Variants in SYT11 observed in about 807,000 individuals in gnomAD.
The protein encoded by SYT11 is synaptotagmin 11.
Under a neutral mutation model 30.4 loss-of-function variants are expected in SYT11, and 12 were observed. The ratio of observed to expected loss-of-function variants is 0.39; its 90% confidence interval spans 0.25 to 0.64. The LOEUF (loss-of-function observed/expected upper bound fraction) is 0.64. Ranked by LOEUF, SYT11 falls within the 30% of genes least tolerant of loss-of-function variation. SYT11 has a pLI of 0.45. For synonymous variants in SYT11, 204 were observed against 216.0 expected (o/e 0.94, Z 0.49); for missense variants, 412 against 552.0 (o/e 0.75, Z 2.54).
intron 1 of SYT11, among the ~76,000 whole-genome samples, chr1:155,862,286 T>C (rs1672605381): frequency 6.6e-6 from 1 of 152,208 alleles, no homozygotes; most frequent in African/African-American, 2.4e-5. Flanking sequence ...TTTAAAACAC[T>C]CACTTCAGCC....
chr1:155,868,909 G>A lies in SYT11; in HGVS notation c.861+118G>A. 1 of 956,982 alleles carries A rather than the reference G, an allele frequency of 1.0e-6. No homozygotes were observed. 59.3% of individuals were successfully genotyped at this position (956,982 alleles called of 1,614,324 possible). A position where few individuals can be genotyped will look rare whatever the true frequency, so the allele number is the denominator to read the frequency against. On this transcript the variant is annotated intron_variant, in intron 2 of 3. Transcript: ENST00000368324. This position sits in a 1 kb window ranked among gnomAD's most constrained non-coding sequence, Gnocchi z 4.7. ...GGCAAAGAAGGGCTGTAGAGAGGAA[G>A]CTCTTGGATGTCAAGGATAAGCAGT...
intron 2 of SYT11, among the ~76,000 whole-genome samples, chr1:155,878,847 A>G (rs1413551673): frequency 2.0e-5 from 3 of 152,008 alleles, no homozygotes; most frequent in Non-Finnish European, 4.4e-5. Flanking sequence ...AGCCTGGGTG[A>G]CAGAGCGAGA....
At position 155,868,009 on chromosome 1, in the gene SYT11, G is replaced by C; in HGVS notation, c.79G>C (p.Val27Leu). The change falls in exon 2 of 4, where the codon GTG (valine) becomes CTG (leucine). Residue 27 changes from valine to leucine, a missense_variant. Coordinates refer to ENST00000368324, the MANE Select transcript of SYT11 (RefSeq NM_152280.5). The surrounding 1 kb of genome is among the most constrained non-coding windows in gnomAD (Gnocchi z 4.7). ...VAGLIGASVL[V>L]VCVSVTVFVW... is the part of the protein sequence containing the mutation. ...CGGCCTCATCGGGGCCTCTGTGCTG[G>C]TGGTGTGTGTCTCGGTGACCGTCTT... The C allele has an allele frequency of 1.9e-6, 3 of 1,613,076 alleles. No homozygotes were observed.
chr1:155,880,458 C>A (rs369210877), intron 2 of SYT11, 42 bp from the exon 3 acceptor site: 3 of 1,609,812 alleles, frequency 1.9e-6, no homozygotes, highest in Non-Finnish European at 8.5e-7. Flanking sequence ...CTCTGCCCTG[C>A]ACCCTCTGCC....
chr1:155,877,328 T>C (rs550531949), intron 2 of SYT11, among the ~76,000 whole-genome samples: 18 of 151,980 alleles, frequency 1.2e-4, no homozygotes, highest in African/African-American at 4.1e-4. Flanking sequence ...GGTCTCGAAC[T>C]CCTGACCTCA....
rs1273240573 is a variant in SYT11, at chr1:155,882,661, C to G, written c.*1153C>G. On this transcript the variant is annotated 3_prime_UTR_variant, in exon 4 of 4. Coordinates refer to ENST00000368324, the MANE Select transcript of SYT11 (RefSeq NM_152280.5). ...TCAGCTATAGGATAGTACCAATGAACACATCCAGCTGATCCCAAAAGCTGT... is the reference window on the plus strand; with the variant it reads ...TCAGCTATAGGATAGTACCAATGAAGACATCCAGCTGATCCCAAAAGCTGT... 2 of 152,284 alleles carry G rather than the reference C, an allele frequency of 1.3e-5. No individual in the cohort carries two copies. Among genetic ancestry groups the G allele is most frequent in the African/African-American group, 4.8e-5 (2 of 41,442 alleles). 9.4% of individuals were successfully genotyped at this position (152,284 alleles called of 1,614,324 possible).
chr1:155,876,303 T>C (rs1238116096), intron 2 of SYT11, among the ~76,000 whole-genome samples: 1 of 134,214 alleles, frequency 7.5e-6, no homozygotes, highest in African/African-American at 2.7e-5. Context: ...TGGAGTGCAG[T>C]GGCGCGATCT....
At chr1:155,867,917 G>A (rs534509483) in intron 1 of SYT11, 48 bp from the exon 2 acceptor site, 3 of 1,413,676 alleles carry the variant, frequency 2.1e-6, no homozygotes, top group Non-Finnish European at 2.9e-6. Context: ...GATCTAGACA[G>A]GAGGTGAAGT....
In SYT11 at chr1:155,884,555, T is replaced by TA. The variant is rs1673039549; in HGVS notation, c.*3049dup. On this transcript the variant is annotated 3_prime_UTR_variant, in exon 4 of 4. Transcript: ENST00000368324. ...ATTTGTTCTTTCCAGAGCTAACTGA[T>TA]AAGAGTGGAGGAGGAATGCCTTCTC... 6.5e-6 allele frequency: 1 copy of TA among 152,762 alleles called. No individual in the cohort carries two copies. The highest frequency in any genetic ancestry group is 1.5e-5 in the Non-Finnish European group (1 of 68,038). The allele number at this position is 152,762 out of a possible 1,614,324, so 9.5% of individuals were successfully genotyped here.
At position 155,875,477 on chromosome 1, in the gene SYT11, C is replaced by T. The variant is rs147749117; in HGVS notation, c.862-5023C>T. ...GGAGTGCAGTGGCACAATTTCAGCTCACTGCAAACTCCACCTCCTGGGTTC... is the reference window on the plus strand; with the variant it reads ...GGAGTGCAGTGGCACAATTTCAGCTTACTGCAAACTCCACCTCCTGGGTTC... On this transcript the variant is annotated intron_variant, in intron 2 of 3. Coordinates refer to ENST00000368324, the MANE Select transcript of SYT11 (RefSeq NM_152280.5). 5.2e-3 allele frequency among the ~76,000 whole-genome samples: 792 copies of T among 151,550 alleles called. 6 individuals carry two copies. The highest frequency in any genetic ancestry group is 0.019 in the African/African-American group (769 of 41,324).
chr1:155,877,822 C>T (rs1672893400), intron 2 of SYT11, among the ~76,000 whole-genome samples: 1 of 152,172 alleles, frequency 6.6e-6, no homozygotes, highest in Non-Finnish European at 1.5e-5. Flanking sequence ...TCCCAAAGTG[C>T]TAGGATTACA....
Position 155,881,516 on chromosome 1 carries a change from C to A in SYT11, c.*8C>A, listed in dbSNP as rs1672962262. On this transcript the variant is annotated 3_prime_UTR_variant, in exon 4 of 4. Coordinates refer to ENST00000368324, the MANE Select transcript of SYT11 (RefSeq NM_152280.5). Reference sequence around the variant, plus strand: ...AGTCTGAGCGAGTACTAATCCTGTTCTTCTCTCCTCTAATCCCCGGGGGCC... The same window carrying A: ...AGTCTGAGCGAGTACTAATCCTGTTATTCTCTCCTCTAATCCCCGGGGGCC... 1 of 1,581,974 alleles carries A rather than the reference C, an allele frequency of 6.3e-7. No individual in the cohort carries two copies. The highest frequency in any genetic ancestry group is 8.6e-7 in the Non-Finnish European group (1 of 1,158,962).
chr1:155,877,061 G>A (rs1468352180), intron 2 of SYT11, among the ~76,000 whole-genome samples: 4 of 148,888 alleles, frequency 2.7e-5, no homozygotes, highest in African/African-American at 5.0e-5. Context: ...TCTGCCTCCC[G>A]GGTTCACGCC....
rs1413222984 is a variant in SYT11, at chr1:155,884,740, T to C, written c.*3232T>C. ...TCCTTTGGGAAGACAAGAATTTTTC[T>C]TAATAACAAAGGTCCCTTTATGAGT... On this transcript the variant is annotated 3_prime_UTR_variant, in exon 4 of 4. Transcript: ENST00000368324. The C allele has an allele frequency of 6.5e-6, 1 of 152,818 alleles. No homozygotes were observed. The highest frequency in any genetic ancestry group is 1.5e-5 in the Non-Finnish European group (1 of 68,050). 9.5% of individuals were successfully genotyped at this position (152,818 alleles called of 1,614,324 possible). A position where few individuals can be genotyped will look rare whatever the true frequency, so the allele number is the denominator to read the frequency against.
intron 2 of SYT11, among the ~76,000 whole-genome samples, chr1:155,876,024 T>C (rs944835107): frequency 1.3e-5 from 2 of 152,172 alleles, no homozygotes; most frequent in African/African-American, 4.8e-5. Flanking sequence ...GCCTGGCACT[T>C]AATAAGTGCC....
chr1:155,876,799 T>C (rs925027513), intron 2 of SYT11, among the ~76,000 whole-genome samples: 3 of 150,988 alleles, frequency 2.0e-5, no homozygotes, highest in African/African-American at 7.3e-5. Flanking sequence ...GAAGTCTGCT[T>C]TTTTGAGATG....
rs1673006718 is a variant in SYT11 at position 155,883,054 on chromosome 1, TTA to T, written c.*1548_*1549del. 6.6e-6 allele frequency: 1 copy of T among 152,350 alleles called. No homozygotes were observed. The highest frequency in any genetic ancestry group is 1.5e-5 in the Non-Finnish European group (1 of 68,040). The allele number at this position is 152,350 out of a possible 1,614,324, so 9.4% of individuals were successfully genotyped here. A position where few individuals can be genotyped will look rare whatever the true frequency, so the allele number is the denominator to read the frequency against. Reference sequence around the variant, plus strand: ...AAACGAGCTGCATAATTCTTGGAATTTATGTCTTACCACATGGTGGAGGGATG... The same window carrying T: ...AAACGAGCTGCATAATTCTTGGAATTTGTCTTACCACATGGTGGAGGGATG... On this transcript the variant is annotated 3_prime_UTR_variant, in exon 4 of 4. Coordinates refer to ENST00000368324, the MANE Select transcript of SYT11 (RefSeq NM_152280.5).
intron 2 of SYT11, 132 bp from the exon 3 acceptor site, chr1:155,880,368 T>C: frequency 4.1e-6 from 4 of 983,462 alleles, no homozygotes; most frequent in Non-Finnish European, 5.8e-6. Context: ...TTCCAGGGGA[T>C]GAGCATCTTT....
intron 2 of SYT11, among the ~76,000 whole-genome samples, chr1:155,871,518 C>T (rs1165669676): frequency 6.6e-6 from 1 of 152,208 alleles, no homozygotes; most frequent in East Asian, 1.9e-4. Context: ...TGGGAAGAGA[C>T]TGGCAATGAA....
Sources: gnomAD v4.1 joint callset for allele counts (sites outside exome capture counted in the v4.1 genomes callset) on GRCh38, gnomAD v4.1.1 for gene constraint, Gnocchi (gnomAD v3.1) non-coding constraint, MANE v1.5 for transcripts, NCBI Gene and HGNC (gene_info 2026-07-23, HGNC 2026-07-21) for gene names.